The following LRBA variants were observed in gnomAD, a reference collection of about 807,000 sequenced individuals.
The protein encoded by LRBA is lipopolysaccharide-responsive and beige-like anchor protein.
Under a neutral mutation model 330.0 loss-of-function variants are expected in LRBA, and 176 were observed. The ratio of observed to expected loss-of-function variants is 0.53; its 90% CI spans 0.47 to 0.60. The LOEUF is 0.60. Ranked by LOEUF, LRBA falls within the 20% of genes least tolerant of loss-of-function variation. The pLI is 0.00. For missense variants in LRBA, 3,259 were observed against 3,444.8 expected, an observed-to-expected ratio of 0.95 and a Z score of 1.35; for synonymous variants, 1,230 against 1,193.0, an observed-to-expected ratio of 1.03 and a Z score of -0.64.
At chr4:150,293,594 G>T (rs1174691161) in intron 53 of LRBA, among the ~76,000 whole-genome samples, 1 of 152,164 alleles carries the variant, frequency 6.6e-6, no homozygotes, top group Non-Finnish European at 1.5e-5. Flanking sequence ...AAGTATTAAT[G>T]CAAGACAAGA....
In LRBA at chr4:151,014,463, T is replaced by A. The variant is rs1484527441; in HGVS notation, c.180A>T (p.Val60=). ...CAGTTTCTACAATATCCCTATTGGA[T>A]ACTTCTCCAACTTCAACCAAACCGG... is the stretch of plus-strand genomic sequence containing the variant. ...VLTGLVEVGE[V]SNRDIVETVF... Residue 60 remains valine (V), a synonymous_variant, in exon 2 of 57, where the codon GTA becomes GTT. Coordinates refer to ENST00000651943, the MANE Select transcript of LRBA (RefSeq NM_001364905.1). The A allele has an allele frequency of 1.2e-6, 2 of 1,614,214 alleles. No homozygotes were observed. The highest frequency in any genetic ancestry group is 4.5e-5 in the East Asian group (2 of 44,894).
At chr4:150,766,964 T>C (rs926907633) in intron 34 of LRBA, among the ~76,000 whole-genome samples, 3 of 152,154 alleles carry the variant, frequency 2.0e-5, no homozygotes, top group Non-Finnish European at 4.4e-5. Context: ...TACTAAAATA[T>C]ACTCTTAGCT....
At chr4:150,750,219 CTTGT>C (rs1423518347) in intron 35 of LRBA, among the ~76,000 whole-genome samples, 1 of 152,092 alleles carries the variant, frequency 6.6e-6, no homozygotes, top group Non-Finnish European at 1.5e-5. Flanking sequence ...ATTTTGATTA[CTTGT>C]TTATTATTTG....
intron 47 of LRBA, among the ~76,000 whole-genome samples, chr4:150,407,049 C>G (rs914390856): frequency 6.6e-6 from 1 of 152,154 alleles, no homozygotes; most frequent in African/African-American, 2.4e-5. Context: ...TCCCAAAGTG[C>G]TGGGATTACA....
At chr4:150,831,351 A>T (rs1157620314) in intron 29 of LRBA, among the ~76,000 whole-genome samples, 1 of 152,152 alleles carries the variant, frequency 6.6e-6, no homozygotes, top group African/African-American at 2.4e-5. Context: ...TATATACCCA[A>T]GTATCCAGTA....
rs1750242470 is a variant in LRBA at position 150,848,968 on chromosome 4, C to T, written c.4189G>A (p.Gly1397Ser). The stretch of plus-strand genomic sequence containing the variant: ...GTCACAGAGGCTTCTATTGAAAGGC[C>T]TTGAGTAGGTTCAATATTTTCCAGT... Reference protein sequence around the residue: ...HELENIEPTQGLSIEASVTFL... With the variant: ...HELENIEPTQSLSIEASVTFL... Residue 1397 changes from glycine to serine, a missense_variant, in exon 26 of 57, where the codon GGC becomes AGC. Physicochemically the swap from Gly to Ser is moderately conservative, Grantham distance 56 (BLOSUM62 0). Coordinates refer to ENST00000651943, the MANE Select transcript of LRBA (RefSeq NM_001364905.1). 1.2e-6 allele frequency: 2 copies of T among 1,604,788 alleles called. No individual in the cohort carries two copies. The highest frequency in any genetic ancestry group is 2.7e-5 in the African/African-American group (2 of 74,216).
intron 37 of LRBA, among the ~76,000 whole-genome samples, chr4:150,637,566 AT>A (rs1274014625): frequency 6.6e-6 from 1 of 152,172 alleles, no homozygotes; most frequent in Non-Finnish European, 1.5e-5. Flanking sequence ...TGTGATGTCC[AT>A]TTTGCTAGAT....
At chr4:150,555,030 A>G (rs1051433811) in intron 40 of LRBA, among the ~76,000 whole-genome samples, 8 of 152,182 alleles carry the variant, frequency 5.3e-5, no homozygotes, top group African/African-American at 1.4e-4. Flanking sequence ...TTAGATAACT[A>G]CTATAAATCT....
chr4:150,874,887 T>G (rs1185060213), intron 17 of LRBA, among the ~76,000 whole-genome samples: 1 of 152,032 alleles, frequency 6.6e-6, no homozygotes, highest in Non-Finnish European at 1.5e-5. Context: ...CTTGCCCAGA[T>G]TGGCAGCCTG....
At position 150,895,727 on chromosome 4, in the gene LRBA, A is replaced by G. The variant is rs559180636; in HGVS notation, c.2067+667T>C. On this transcript the variant is annotated intron_variant, in intron 16 of 56. Transcript: ENST00000651943. Reference sequence around the variant, plus strand: ...GTTCCAAGTGTTTGCTATTGTGAATAGTGCCGCAATAAACATACGTGTGCA... The same window carrying G: ...GTTCCAAGTGTTTGCTATTGTGAATGGTGCCGCAATAAACATACGTGTGCA... Among the ~76,000 whole-genome samples the G allele has an allele frequency of 2.2e-4, 34 of 152,338 alleles. 1 individual carries two copies. The highest frequency in any genetic ancestry group is 6.8e-3 in the Middle Eastern group (2 of 294).
chr4:150,573,397 GC>G (rs1370905820), intron 40 of LRBA, among the ~76,000 whole-genome samples: 8 of 152,148 alleles, frequency 5.3e-5, no homozygotes, highest in African/African-American at 1.9e-4. Flanking sequence ...CCCACAGAGT[GC>G]CCATCAACAA....
At chr4:150,266,335 GAGA>G (rs1745331635) in intron 56 of LRBA, among the ~76,000 whole-genome samples, 1 of 152,212 alleles carries the variant, frequency 6.6e-6, no homozygotes, top group African/African-American at 2.4e-5. Context: ...CCCCTCTGTG[GAGA>G]AGTAGTCTAT....
intron 17 of LRBA, among the ~76,000 whole-genome samples, chr4:150,885,373 C>T (rs1728841333): frequency 6.6e-6 from 1 of 152,086 alleles, no homozygotes; most frequent in Non-Finnish European, 1.5e-5. Context: ...GCCTGTAATC[C>T]CAGCACTTAG....
At chr4:150,845,553 A>G (rs1371419646) in intron 26 of LRBA, among the ~76,000 whole-genome samples, 1 of 152,226 alleles carries the variant, frequency 6.6e-6, no homozygotes, top group Non-Finnish European at 1.5e-5. Context: ...CCAAATCTGT[A>G]GCACTCAAGG....
intron 35 of LRBA, among the ~76,000 whole-genome samples, chr4:150,745,598 C>T (rs532276360): frequency 1.3e-5 from 2 of 152,258 alleles, no homozygotes; most frequent in Middle Eastern, 3.4e-3. Context: ...TCACTGCAAC[C>T]TCTGGCTCCC....
At chr4:150,817,959 G>C (rs546913854) in intron 30 of LRBA, among the ~76,000 whole-genome samples, 4 of 152,196 alleles carry the variant, frequency 2.6e-5, no homozygotes, top group Admixed American at 6.6e-5. Flanking sequence ...CTCAGTTAAT[G>C]AGGTAAAGAG....
chr4:150,510,045 A>G (rs1413514246), intron 40 of LRBA, among the ~76,000 whole-genome samples: 1 of 152,164 alleles, frequency 6.6e-6, no homozygotes, highest in Non-Finnish European at 1.5e-5. Flanking sequence ...CTGAGGCAGG[A>G]GAATTGCTTG....
intron 42 of LRBA, among the ~76,000 whole-genome samples, chr4:150,481,747 C>G (rs1337142727): frequency 2.0e-5 from 3 of 152,066 alleles, no homozygotes; most frequent in Admixed American, 6.6e-5. Flanking sequence ...GTTGCATGTA[C>G]CAGTAGTCAT....
At chr4:150,881,205 C>T (rs1389501885) in intron 17 of LRBA, among the ~76,000 whole-genome samples, 1 of 152,154 alleles carries the variant, frequency 6.6e-6, no homozygotes, top group African/African-American at 2.4e-5. Context: ...CTACCAACAA[C>T]ACATGCACTC....
Sources: allele counts gnomAD v4.1 joint callset (sites outside exome capture counted in the v4.1 genomes callset), GRCh38; gene constraint gnomAD v4.1.1; transcripts MANE v1.5; gene names NCBI Gene and HGNC (gene_info 2026-07-23, HGNC 2026-07-21).